ELP6: variants seen among roughly 807,000 people sequenced by gnomAD.
ELP6 encodes the protein elongator acetyltransferase complex subunit 6, also known as elongator complex protein 6.
Under a neutral mutation model 28.1 loss-of-function variants are expected in ELP6, and 23 were observed. That is an observed-to-expected ratio of 0.82 (90% CI 0.59 to 1.16). ELP6 has a LOEUF of 1.16. Among genes scored for constraint, ELP6 ranks in the 50% most tolerant of loss-of-function variants. The probability of loss-of-function intolerance (pLI) is 0.00; values close to 1 mark genes in which losing one functional copy is unlikely to be tolerated. For missense variants in ELP6, 313 were observed against 334.6 expected (o/e 0.94, Z 0.50); for synonymous variants, 132 against 135.8 (o/e 0.97, Z 0.19).
intron 1 of ELP6, chr3:47,513,229 TG>T: frequency 8.1e-7 from 1 of 1,231,308 alleles, no homozygotes; most frequent in Non-Finnish European, 1.0e-6. Context: ...TGACCTTAGA[TG>T]ATGCACCCGC....
At chr3:47,512,894 C>G in intron 1 of ELP6, 6 of 985,644 alleles carry the variant, frequency 6.1e-6, no homozygotes, top group Non-Finnish European at 7.2e-6. Context: ...CTCCTCTGAG[C>G]GCCTGGGACC....
At chr3:47,500,068 G>A in intron 5 of ELP6, 1 of 1,257,696 alleles carries the variant, frequency 8.0e-7, no homozygotes, top group Non-Finnish European at 1.0e-6. Flanking sequence ...CCTCATCCCA[G>A]AGCAGTGGGC....
intron 5 of ELP6, chr3:47,500,011 G>A (rs1298269519): frequency 1.5e-6 from 2 of 1,302,984 alleles, no homozygotes; most frequent in Non-Finnish European, 2.0e-6. Context: ...GGGTAAATAT[G>A]TGGCTAGCTG....
At chr3:47,510,911 G>C (rs1315084391) in intron 2 of ELP6, among the ~76,000 whole-genome samples, 1 of 152,158 alleles carries the variant, frequency 6.6e-6, no homozygotes, top group Non-Finnish European at 1.5e-5. Context: ...CCACACAGTG[G>C]GTGGAGAAGG....
intron 3 of ELP6, 134 bp from the exon 4 acceptor site, chr3:47,504,582 G>A (rs1220452195): frequency 5.4e-6 from 7 of 1,297,784 alleles, no homozygotes; most frequent in African/African-American, 1.5e-5. Context: ...GTACAGGCCT[G>A]TCTTCATTCC....
At position 47,504,174 on chromosome 3, in the gene ELP6, A is replaced by T; in HGVS notation, c.323+156T>A. On this transcript the variant is annotated intron_variant, in intron 4 of 6. Coordinates refer to ENST00000296149, the MANE Select transcript of ELP6 (RefSeq NM_001031703.3). ...CACCCTCAGCCCCATGATAAGAGCC[A>T]GCATTTGATGATGCTGCAACACCAG... The T allele has an allele frequency of 6.6e-6, 6 of 914,362 alleles. No individual in the cohort carries two copies. The South Asian group carries it at 1.2e-4, about 18-fold the overall frequency. 56.6% of individuals were successfully genotyped at this position (914,362 alleles called of 1,614,324 possible).
At chr3:47,502,341 CG>C (rs1708689054) in intron 4 of ELP6, 6 of 876,602 alleles carry the variant, frequency 6.8e-6, no homozygotes, top group South Asian at 5.2e-5. Context: ...ACCTGGGAGA[CG>C]GAAGTTGCAG....
At chr3:47,504,114 A>C in intron 4 of ELP6, 3 of 524,694 alleles carry the variant, frequency 5.7e-6, no homozygotes, top group Non-Finnish European at 9.6e-6. Flanking sequence ...TCCTTCCAGC[A>C]AATGATCCTC....
intron 3 of ELP6, among the ~76,000 whole-genome samples, chr3:47,507,727 G>C (rs1157675750): frequency 1.3e-5 from 2 of 151,664 alleles, no homozygotes; most frequent in Non-Finnish European, 2.9e-5. Flanking sequence ...CACACAAAAT[G>C]CCCAGGGTCT....
chr3:47,503,512 T>C, intron 4 of ELP6: 2 of 1,080,888 alleles, frequency 1.9e-6, no homozygotes, highest in Non-Finnish European at 2.5e-6. Context: ...CTCAACTCTA[T>C]TTGTTGCTGT....
rs184349645 is a variant in ELP6, at chr3:47,495,956, G to A, written c.*113C>T. The A allele has an allele frequency of 1.4e-4, 218 of 1,567,668 alleles. No homozygotes were observed. The highest frequency in any genetic ancestry group is 4.4e-4 in the East Asian group (19 of 43,376). ...TCAACCCTCTGGTCACAGTGGAGTCGCCGGTCCAGCCTGAAATATTACTAC... is the reference window on the plus strand; with the variant it reads ...TCAACCCTCTGGTCACAGTGGAGTCACCGGTCCAGCCTGAAATATTACTAC... On this transcript the variant is annotated 3_prime_UTR_variant, in exon 7 of 7. Coordinates refer to ENST00000296149, the MANE Select transcript of ELP6 (RefSeq NM_001031703.3).
At chr3:47,513,412 C>T (rs2108149398) in intron 1 of ELP6, 125 bp downstream of exon 1, 1 of 1,484,986 alleles carries the variant, frequency 6.7e-7, no homozygotes, top group East Asian at 2.5e-5. Context: ...CTGCGGACTA[C>T]AACTCCCAGG....
Position 47,498,393 on chromosome 3 carries a change from C to G in ELP6, c.565G>C (p.Glu189Gln), listed in dbSNP as rs199767528. ...VVLVHDSGDAEDEENDILLNG... is the reference protein window; with the variant it reads ...VVLVHDSGDAQDEENDILLNG... The stretch of plus-strand genomic sequence containing the variant: ...AGCAGGATGTCATTCTCCTCATCCT[C>G]CGCATCTCCACTGTCGTGCACAAGG... Residue 189 changes from glutamate (E) to glutamine (Q), a missense_variant, in exon 6 of 7, where the codon GAG becomes CAG. Coordinates refer to ENST00000296149, the MANE Select transcript of ELP6 (RefSeq NM_001031703.3). 6.2e-7 allele frequency: 1 copy of G among 1,613,632 alleles called. No individual in the cohort carries two copies. Among genetic ancestry groups the G allele is most frequent in the Admixed American group, 1.7e-5 (1 of 60,022 alleles).
At position 47,504,343 on chromosome 3, in the gene ELP6, G is replaced by T. The variant is rs776304656; in HGVS notation, c.310C>A (p.Leu104Met). The T allele has an allele frequency of 1.9e-6, 3 of 1,607,416 alleles. No homozygotes were observed. The highest frequency in any genetic ancestry group is 2.2e-5 in the South Asian group (2 of 89,976). Residue 104 changes from leucine (L) to methionine (M), a missense_variant, in exon 4 of 7, where the codon CTG becomes ATG. Leu to Met is a conservative substitution (Grantham distance 15, BLOSUM62 2). Transcript: ENST00000296149. ...VFQAQKEPHPLQFLREANAGN... is the reference protein window; with the variant it reads ...VFQAQKEPHPMQFLREANAGN... The stretch of plus-strand genomic sequence containing the variant: ...AGGCTGACTGACCTGAGAAACTGCA[G>T]GGGGTGTGGCTCCTTTTGAGCCTGG...
chr3:47,504,343 G>C lies in ELP6; in HGVS notation c.310C>G (p.Leu104Val), dbSNP rs776304656. Residue 104 changes from leucine (L) to valine (V), a missense_variant, in exon 4 of 7, where the codon CTG becomes GTG. Coordinates refer to ENST00000296149, the MANE Select transcript of ELP6 (RefSeq NM_001031703.3). Reference sequence around the variant, plus strand: ...AGGCTGACTGACCTGAGAAACTGCAGGGGGTGTGGCTCCTTTTGAGCCTGG... The same window carrying C: ...AGGCTGACTGACCTGAGAAACTGCACGGGGTGTGGCTCCTTTTGAGCCTGG... ...VFQAQKEPHPLQFLREANAGN... is the reference protein window; with the variant it reads ...VFQAQKEPHPVQFLREANAGN... The C allele has an allele frequency of 3.1e-6, 5 of 1,607,416 alleles. No individual in the cohort carries two copies. The South Asian group carries it at 5.6e-5, about 18-fold the overall frequency.
At chr3:47,509,260 C>G (rs763200247) in intron 3 of ELP6, among the ~76,000 whole-genome samples, 8 of 152,164 alleles carry the variant, frequency 5.3e-5, no homozygotes, top group Non-Finnish European at 1.2e-4. Flanking sequence ...CCACGCCTGG[C>G]CCAAGACTGG....
chr3:47,501,989 G>A (rs534344270), intron 4 of ELP6, 138 bp from the exon 5 acceptor site: 3 of 803,242 alleles, frequency 3.7e-6, no homozygotes, highest in African/African-American at 3.5e-5. Context: ...TTCATGATCT[G>A]GTTAGAAAGA....
intron 3 of ELP6, among the ~76,000 whole-genome samples, chr3:47,506,201 G>A (rs146290531): frequency 1.0e-3 from 155 of 152,270 alleles, no homozygotes; most frequent in African/African-American, 3.6e-3. Context: ...CAGAGATCAC[G>A]TATTTCACAA....
rs763814096 is a variant in ELP6 at position 47,503,331 on chromosome 3, G to C, written c.323+999C>G. 3.9e-6 allele frequency: 5 copies of C among 1,289,320 alleles called. No homozygotes were observed. In the South Asian group the frequency reaches 6.2e-5, roughly 16 times the overall value. The allele number at this position is 1,289,320 out of a possible 1,614,324, so 79.9% of individuals were successfully genotyped here. A position where few individuals can be genotyped will look rare whatever the true frequency, so the allele number is the denominator to read the frequency against. On this transcript the variant is annotated intron_variant, in intron 4 of 6. Coordinates refer to ENST00000296149, the MANE Select transcript of ELP6 (RefSeq NM_001031703.3). The stretch of plus-strand genomic sequence containing the variant: ...GTGGACGAAGAACAGCAGCCAAGCG[G>C]GGAGTCTTCACAGAGCTATGTTTGT...
Sources: gnomAD v4.1 joint callset for allele counts (sites outside exome capture counted in the v4.1 genomes callset) on GRCh38, gnomAD v4.1.1 for gene constraint, MANE v1.5 for transcripts, NCBI Gene and HGNC (gene_info 2026-07-23, HGNC 2026-07-21) for gene names.